SBF2: variants seen among roughly 807,000 people sequenced by gnomAD.
The protein encoded by SBF2 is myotubularin-related protein 13.
In SBF2, 112 loss-of-function variants were observed where a neutral mutation model predicts 225.2. That is an observed-to-expected ratio of 0.50 (90% CI 0.43 to 0.58). The LOEUF (loss-of-function observed/expected upper bound fraction) is 0.58. Among genes scored for constraint, SBF2 ranks in the 20% least tolerant of loss-of-function variants. The pLI is 0.00. For synonymous variants in SBF2, 763 were observed against 773.3 expected (o/e 0.99, Z 0.22); for missense variants, 1,996 against 2,206.2 (o/e 0.90, Z 1.91).
intron 1 of SBF2, among the ~76,000 whole-genome samples, chr11:10,273,295 A>C (rs1962687823): frequency 6.6e-6 from 1 of 152,200 alleles, no homozygotes; most frequent in African/African-American, 2.4e-5. Context: ...TAATTGCACA[A>C]GTTAAATCAG....
intron 32 of SBF2, 88 bp downstream of exon 32, chr11:9,807,912 A>C: frequency 5.4e-3 from 5,013 of 920,530 alleles, no homozygotes; most frequent in Non-Finnish European, 8.0e-3. Flanking sequence ...ACAGGAAGGT[A>C]CCGGGCACAC....
chr11:9,971,043 C>A (rs1867294452), intron 13 of SBF2, among the ~76,000 whole-genome samples: 1 of 152,028 alleles, frequency 6.6e-6, no homozygotes, highest in Non-Finnish European at 1.5e-5. Flanking sequence ...TACTGTCTTC[C>A]CAAAAATAAT....
intron 2 of SBF2, among the ~76,000 whole-genome samples, chr11:10,164,667 T>G (rs1352001029): frequency 6.6e-6 from 1 of 151,552 alleles, no homozygotes; most frequent in African/African-American, 2.4e-5. Context: ...TGAGACAGTT[T>G]GAAGACTAAA....
At chr11:9,834,035 C>T (rs57460369) in intron 26 of SBF2, among the ~76,000 whole-genome samples, 3,749 of 151,902 alleles carry the variant, frequency 0.025, 170 homozygotes, top group African/African-American at 0.085. Flanking sequence ...TCCCAAAGTG[C>T]TGGGAGTACA....
At chr11:10,032,794 C>A (rs894037872) in intron 3 of SBF2, among the ~76,000 whole-genome samples, 1 of 152,188 alleles carries the variant, frequency 6.6e-6, no homozygotes, top group South Asian at 2.1e-4. Flanking sequence ...AAGGGCTAGG[C>A]CCATAGCTGA....
intron 1 of SBF2, among the ~76,000 whole-genome samples, chr11:10,196,866 A>ATATATTTTTTTTTTTTTTTTT: frequency 1.0e-5 from 1 of 99,314 alleles, no homozygotes; most frequent in Non-Finnish European, 2.0e-5. Context: ...ATATATATAT[A>ATATATTTTTTTTTTTTTTTTT]TTTTTTTTTT....
chr11:9,822,681 C>T lies in SBF2; in HGVS notation c.3794-5657G>A, dbSNP rs576632263. Among the ~76,000 whole-genome samples, 19 of 152,258 alleles carry T rather than the reference C, an allele frequency of 1.2e-4. No homozygotes were observed. The South Asian group carries it at 2.5e-3, about 20-fold the overall frequency. On this transcript the variant is annotated intron_variant, in intron 28 of 39. Transcript: ENST00000256190. ...ACAGTTCATTTTCCCCATAGGAATGCGTTACTGTTCAGAGAACTAGTGTTT... is the reference window on the plus strand; with the variant it reads ...ACAGTTCATTTTCCCCATAGGAATGTGTTACTGTTCAGAGAACTAGTGTTT...
intron 2 of SBF2, among the ~76,000 whole-genome samples, chr11:10,163,461 T>C (rs1172645569): frequency 6.6e-6 from 1 of 152,164 alleles, no homozygotes; most frequent in African/African-American, 2.4e-5. Flanking sequence ...CACAGCATTA[T>C]TTTTGAAAAC....
At chr11:9,975,035 G>C (rs934675174) in intron 13 of SBF2, among the ~76,000 whole-genome samples, 3 of 149,552 alleles carry the variant, frequency 2.0e-5, no homozygotes, top group Middle Eastern at 3.3e-3. Flanking sequence ...TAAAGATGTG[G>C]CACAAATGGA....
intron 2 of SBF2, among the ~76,000 whole-genome samples, chr11:10,172,273 T>C (rs1956228970): frequency 6.6e-6 from 1 of 152,208 alleles, no homozygotes; most frequent in African/African-American, 2.4e-5. Context: ...CACTTATAGC[T>C]ACAAACTTCC....
At chr11:10,035,878 A>C (rs1307788562) in intron 3 of SBF2, among the ~76,000 whole-genome samples, 2 of 152,188 alleles carry the variant, frequency 1.3e-5, no homozygotes, top group African/African-American at 4.8e-5. Context: ...CTAGAACTAG[A>C]AATGCCATTT....
At chr11:10,085,866 T>C (rs1951546745) in intron 2 of SBF2, among the ~76,000 whole-genome samples, 1 of 152,076 alleles carries the variant, frequency 6.6e-6, no homozygotes, top group Non-Finnish European at 1.5e-5. Flanking sequence ...TTTTCTTCTA[T>C]CACCAGTTAT....
chr11:10,091,651 G>A (rs1222457047), intron 2 of SBF2, among the ~76,000 whole-genome samples: 1 of 152,144 alleles, frequency 6.6e-6, no homozygotes, highest in African/African-American at 2.4e-5. Context: ...GCTGCATAGA[G>A]GAGGAACTGT....
intron 2 of SBF2, among the ~76,000 whole-genome samples, chr11:10,179,379 C>A (rs1278322505): frequency 8.5e-6 from 1 of 117,884 alleles, no homozygotes; most frequent in African/African-American, 3.0e-5. Context: ...AAAACAAAAA[C>A]AAAAAAACAA....
At chr11:10,024,363 T>C (rs148117592) in intron 6 of SBF2, among the ~76,000 whole-genome samples, 98 of 152,256 alleles carry the variant, frequency 6.4e-4, no homozygotes, top group African/African-American at 2.3e-3. Context: ...TGTTCCAAGA[T>C]AGTGGTACCA....
At chr11:10,095,421 A>G (rs1701536978) in intron 2 of SBF2, among the ~76,000 whole-genome samples, 3 of 152,224 alleles carry the variant, frequency 2.0e-5, no homozygotes, top group East Asian at 1.9e-4. Context: ...CTTAAGATAC[A>G]TAACATAGAA....
intron 1 of SBF2, among the ~76,000 whole-genome samples, chr11:10,288,793 C>T (rs1963964177): frequency 6.6e-6 from 1 of 152,174 alleles, no homozygotes; most frequent in African/African-American, 2.4e-5. Flanking sequence ...CTGCTCTGGG[C>T]TGAGCCTGCA....
At chr11:10,209,743 T>C (rs950980587) in intron 1 of SBF2, among the ~76,000 whole-genome samples, 6 of 152,106 alleles carry the variant, frequency 3.9e-5, no homozygotes, top group African/African-American at 1.4e-4. Context: ...ATCTAAGCAT[T>C]CAGTGTCTCC....
At chr11:9,875,031 T>C (rs915873936) in intron 17 of SBF2, among the ~76,000 whole-genome samples, 10 of 152,350 alleles carry the variant, frequency 6.6e-5, no homozygotes, top group Admixed American at 1.3e-4. Flanking sequence ...CTTCAACTTA[T>C]AGACTGTATT....
Sources: allele counts gnomAD v4.1 joint callset (sites outside exome capture counted in the v4.1 genomes callset), GRCh38; gene constraint gnomAD v4.1.1; transcripts MANE v1.5; gene names NCBI Gene and HGNC (gene_info 2026-07-23, HGNC 2026-07-21).